SAMD5: variants seen among roughly 807,000 people sequenced by gnomAD.
SAMD5 encodes the protein sterile alpha motif domain containing 5.
A neutral mutation model predicts 11.3 loss-of-function variants in SAMD5; 13 were observed. The observed-to-expected ratio is 1.15, with a 90% CI of 0.75 to 1.83. The LOEUF (loss-of-function observed/expected upper bound fraction) is 1.83. Among genes scored for constraint, SAMD5 ranks in the 40% most tolerant of loss-of-function variants. The probability of loss-of-function intolerance (pLI) is 0.00; values close to 1 mark genes in which losing one functional copy is unlikely to be tolerated. For synonymous variants in SAMD5, 129 were observed against 111.3 expected (o/e 1.16, Z -1.00); for missense variants, 255 against 239.1 (o/e 1.07, Z -0.44).
At chr6:147,798,127 TCTTG>T in the SAMD5 span, among the ~76,000 whole-genome samples, 8 of 144,556 alleles carry the variant, frequency 5.5e-5, no homozygotes, top group African/African-American at 1.1e-4. Context: ...ATGTGTTTGC[TCTTG>T]CTTTTCTAGT....
At chr6:147,789,048 C>A in the SAMD5 span, among the ~76,000 whole-genome samples, 5 of 150,730 alleles carry the variant, frequency 3.3e-5, no homozygotes, top group African/African-American at 1.2e-4. Flanking sequence ...CACGCCACTG[C>A]ACTCCAGCCT....
the SAMD5 span, among the ~76,000 whole-genome samples, chr6:147,890,681 AG>A: frequency 6.6e-6 from 1 of 152,184 alleles, no homozygotes; most frequent in South Asian, 2.1e-4. Context: ...AATGATAAAA[AG>A]ATCAATAAAT....
Position 147,735,392 on chromosome 6 carries a change from C to G in SAMD5, c.163-1925C>G, listed in dbSNP as rs532387570. Among the ~76,000 whole-genome samples, 6 of 152,238 alleles carry G rather than the reference C, an allele frequency of 3.9e-5. No homozygotes were observed. The South Asian group carries it at 1.2e-3, about 32-fold the overall frequency. ...TTGTGTGTGAAGAGATGCCTGATTC[C>G]TATTACTGCTCACTGTAATAGAACT... On this transcript the variant is annotated intron_variant, in intron 1 of 1. Coordinates refer to the SAMD5 transcript ENST00000566741.
the SAMD5 span, among the ~76,000 whole-genome samples, chr6:147,909,885 C>T: frequency 2.0e-5 from 3 of 151,946 alleles, no homozygotes; most frequent in East Asian, 5.8e-4. Flanking sequence ...GTGACAAGGC[C>T]GGTTCATGTT....
intron 1 of SAMD5, among the ~76,000 whole-genome samples, chr6:147,611,434 G>T (rs191255236): frequency 1.8e-4 from 27 of 151,894 alleles, no homozygotes; most frequent in African/African-American, 6.3e-4. Context: ...ATGGTGGTGC[G>T]CGCCTGTAAT....
At chr6:147,596,007 A>T (rs2128447641) in intron 1 of SAMD5, among the ~76,000 whole-genome samples, 1 of 152,302 alleles carries the variant, frequency 6.6e-6, no homozygotes, top group Non-Finnish European at 1.5e-5. Flanking sequence ...CTAGCCAGGG[A>T]TATCAATGTA....
intron 1 of SAMD5, among the ~76,000 whole-genome samples, chr6:147,655,412 C>A (rs1328355268): frequency 6.6e-6 from 1 of 152,120 alleles, no homozygotes; most frequent in Non-Finnish European, 1.5e-5. Flanking sequence ...TAAATTTTCT[C>A]TTCTGAAACA....
chr6:147,684,190 G>GGCTTT (rs1343446011), intron 1 of SAMD5, among the ~76,000 whole-genome samples: 3 of 152,188 alleles, frequency 2.0e-5, no homozygotes, highest in Admixed American at 1.3e-4. Flanking sequence ...TATAAAAGTG[G>GGCTTT]ATTTCAATGG....
the SAMD5 span, among the ~76,000 whole-genome samples, chr6:147,933,855 G>C: frequency 1.3e-5 from 2 of 152,254 alleles, no homozygotes; most frequent in East Asian, 1.9e-4. Context: ...GTGTCAAAAG[G>C]TACCAGATTA....
At chr6:147,796,899 A>G in the SAMD5 span, among the ~76,000 whole-genome samples, 1 of 148,444 alleles carries the variant, frequency 6.7e-6, no homozygotes, top group African/African-American at 2.6e-5. Flanking sequence ...AATGCTTGTG[A>G]TTTTTGCACA....
chr6:147,663,116 G>A (rs1369912553), intron 1 of SAMD5, among the ~76,000 whole-genome samples: 2 of 152,106 alleles, frequency 1.3e-5, no homozygotes, highest in African/African-American at 4.8e-5. Context: ...CCATGAAGCT[G>A]GAGAAAAATG....
intron 1 of SAMD5, among the ~76,000 whole-genome samples, chr6:147,691,939 C>CCTCATTGGCCTTCAG (rs1228467233): frequency 6.6e-6 from 1 of 151,316 alleles, no homozygotes; most frequent in Non-Finnish European, 1.5e-5. Context: ...AGAGTTACAG[C>CCTCATTGGCCTTCAG]CTCATTGGCC....
chr6:147,847,154 T>A, the SAMD5 span, among the ~76,000 whole-genome samples: 2 of 152,152 alleles, frequency 1.3e-5, no homozygotes, highest in African/African-American at 4.8e-5. Flanking sequence ...CCTGCCTCTT[T>A]CCTCTCTTCC....
chr6:147,883,029 A>T, the SAMD5 span, among the ~76,000 whole-genome samples: 1 of 152,196 alleles, frequency 6.6e-6, no homozygotes, highest in Non-Finnish European at 1.5e-5. Context: ...GTAGGTTTTT[A>T]TGATTCTGGA....
chr6:147,707,654 G>T (rs745672706), intron 1 of SAMD5, among the ~76,000 whole-genome samples: 124 of 152,248 alleles, frequency 8.1e-4, no homozygotes, highest in Non-Finnish European at 1.3e-3. Context: ...GAACTTGTTT[G>T]CATTGGTGTG....
intron 1 of SAMD5, among the ~76,000 whole-genome samples, chr6:147,630,758 G>A (rs1395543570): frequency 6.6e-6 from 1 of 152,136 alleles, no homozygotes; most frequent in African/African-American, 2.4e-5. Context: ...GAAATTTGAT[G>A]CCAAAACCCA....
At chr6:147,535,345 T>G (rs1354002555) in intron 1 of SAMD5, among the ~76,000 whole-genome samples, 3 of 152,222 alleles carry the variant, frequency 2.0e-5, no homozygotes, top group Non-Finnish European at 1.5e-5. Flanking sequence ...TACTATAAGG[T>G]AAATAACAAG....
In SAMD5 at chr6:147,509,330, C is replaced by A; in HGVS notation, c.402C>A (p.Ile134=). The stretch of plus-strand genomic sequence containing the variant: ...CCAAACTGAAGCTGAAGATCATGAT[C>A]AGGGATAAGCTCGTCCGTGACGGCA... ...SYPKLKLKIM[I]RDKLVRDGIH... is the part of the protein sequence containing the mutation. The change falls in exon 1 of 2, where the codon ATC becomes ATA. Residue 134 remains isoleucine, a synonymous_variant. Transcript: ENST00000367474. The A allele has an allele frequency of 6.3e-7, 1 of 1,581,966 alleles. No individual in the cohort carries two copies. Among genetic ancestry groups the A allele is most frequent in the African/African-American group, 1.4e-5 (1 of 72,822 alleles).
chr6:147,743,215 C>T, the SAMD5 span: 1 of 152,164 alleles, frequency 6.6e-6, no homozygotes, highest in Non-Finnish European at 1.5e-5. Context: ...AGTCCATTTA[C>T]TCCTCAACTA....
Sources: allele counts gnomAD v4.1 joint callset (sites outside exome capture counted in the v4.1 genomes callset), GRCh38; gene constraint gnomAD v4.1.1; transcripts MANE v1.5; gene names NCBI Gene and HGNC (gene_info 2026-07-23, HGNC 2026-07-21).